Variants in PCDHGA3 observed in about 807,000 individuals in gnomAD.
PCDHGA3 encodes protocadherin gamma subfamily A, 3.
A neutral mutation model predicts 58.5 loss-of-function variants in PCDHGA3; 40 were observed. That is an observed-to-expected ratio of 0.68 (90% CI 0.53 to 0.89). The LOEUF (loss-of-function observed/expected upper bound fraction) is 0.89, where lower values mean the gene tolerates loss of function less well. Ranked by LOEUF, PCDHGA3 falls within the 40% of genes least tolerant of loss-of-function variation. PCDHGA3 has a pLI of 0.00. For synonymous variants in PCDHGA3, 530 were observed against 525.7 expected (o/e 1.01, Z -0.11); for missense variants, 1,223 against 1,195.9 (o/e 1.02, Z -0.33).
chr5:141,370,916 T>C, intron 1 of PCDHGA3: 1 of 1,614,016 alleles, frequency 6.2e-7, no homozygotes, highest in Non-Finnish European at 8.5e-7. Context: ...ACCTCAGCCC[T>C]GATCCGCACT....
At chr5:141,349,492 A>T in intron 1 of PCDHGA3, among the ~76,000 whole-genome samples, 1 of 152,222 alleles carries the variant, frequency 6.6e-6, no homozygotes. Flanking sequence ...CTTTTAACAA[A>T]ATATCAGACT....
chr5:141,490,184 TC>T lies in PCDHGA3; in HGVS notation c.2425-4622del, dbSNP rs1293752541. The T allele has an allele frequency of 1.2e-6, 2 of 1,614,196 alleles. No individual in the cohort carries two copies. The highest frequency in any genetic ancestry group is 1.7e-6 in the Non-Finnish European group (2 of 1,180,030). On this transcript the variant is annotated intron_variant, in intron 1 of 3. Coordinates refer to ENST00000253812, the MANE Select transcript of PCDHGA3 (RefSeq NM_018916.4). This position sits in a 1 kb window ranked among gnomAD's most constrained non-coding sequence, Gnocchi z 5.4. The stretch of plus-strand genomic sequence containing the variant: ...CCCATAGACTTTGAGGAGTCACGTT[TC>T]TATGAAATTCATGCAAGAGCCCGTG...
At position 141,343,893 on chromosome 5, in the gene PCDHGA3, G is replaced by A. The variant is rs1039244805; in HGVS notation, c.-141G>A. On this transcript the variant is annotated 5_prime_UTR_variant, in exon 1 of 4. Transcript: ENST00000253812. ...CAGACTCAGAAGATCCGGGGCGGCT[G>A]CCAACCTCACCTCTTAGTCAACCAG... 4 of 734,512 alleles carry A rather than the reference G, an allele frequency of 5.4e-6. No homozygotes were observed. The highest frequency in any genetic ancestry group is 8.6e-6 in the Non-Finnish European group (4 of 465,820). The allele number at this position is 734,512 out of a possible 1,614,324, so 45.5% of individuals were successfully genotyped here. A position where few individuals can be genotyped will look rare whatever the true frequency, so the allele number is the denominator to read the frequency against.
rs769128084 is a variant in PCDHGA3 at position 141,344,294 on chromosome 5, G to A, written c.261G>A (p.Ala87=). 2 of 1,614,088 alleles carry A rather than the reference G, an allele frequency of 1.2e-6. No individual in the cohort carries two copies. Among genetic ancestry groups the A allele is most frequent in the South Asian group, 1.1e-5 (1 of 91,090 alleles). ...LNPQSGSLVT[A]ERIDREELCA... is the part of the protein sequence containing the mutation. ...CGCAAAGCGGCAGCTTGGTCACCGC[G>A]GAGAGGATAGACCGGGAGGAGCTCT... Residue 87 remains alanine, a synonymous_variant, in exon 1 of 4, where the codon GCG becomes GCA. Coordinates refer to ENST00000253812, the MANE Select transcript of PCDHGA3 (RefSeq NM_018916.4).
chr5:141,463,382 T>C (rs2099057893), intron 1 of PCDHGA3, among the ~76,000 whole-genome samples: 1 of 151,594 alleles, frequency 6.6e-6, no homozygotes, highest in Admixed American at 6.6e-5. Context: ...AGTCTGAAAG[T>C]TGTCTCCAGG....
intron 1 of PCDHGA3, chr5:141,372,151 A>G: frequency 6.2e-7 from 1 of 1,613,654 alleles, no homozygotes; most frequent in South Asian, 1.1e-5. Flanking sequence ...GAGCCTGGCT[A>G]CCTGGTGACC....
At chr5:141,410,849 C>CTTGTTTTTTTTTTTTTTT (rs2095431880) in intron 1 of PCDHGA3, 1 of 129,786 alleles carries the variant, frequency 7.7e-6, no homozygotes, top group African/African-American at 6.0e-5. Context: ...TTGTCTTTGT[C>CTTGTTTTTTTTTTTTTTT]TTTTTTTTTT....
intron 1 of PCDHGA3, chr5:141,430,740 A>C (rs1485485180): frequency 5.3e-6 from 8 of 1,497,664 alleles, no homozygotes; most frequent in Non-Finnish European, 7.1e-6. Context: ...AATTGAAAAT[A>C]ATTCTGGAGG....
intron 1 of PCDHGA3, chr5:141,371,114 A>G: frequency 6.2e-7 from 1 of 1,613,878 alleles, no homozygotes; most frequent in Non-Finnish European, 8.5e-7. Flanking sequence ...ATAACCCCCC[A>G]GTATTTACTC....
At chr5:141,455,506 G>T (rs1307993951) in intron 1 of PCDHGA3, among the ~76,000 whole-genome samples, 1 of 152,152 alleles carries the variant, frequency 6.6e-6, no homozygotes, top group African/African-American at 2.4e-5. Flanking sequence ...ATTTGCATAG[G>T]GCTCAGGGGA....
At position 141,491,456 on chromosome 5, in the gene PCDHGA3, C is replaced by G; in HGVS notation, c.2425-3351C>G. On this transcript the variant is annotated intron_variant, in intron 1 of 3. Transcript: ENST00000253812. The surrounding 1 kb of genome is among the most constrained non-coding windows in gnomAD (Gnocchi z 6.9). Reference sequence around the variant, plus strand: ...TGCAGGCGCCAGGACTCACCCTCCCCGGACTTCTATAAGCAGTCCAGCCCC... The same window carrying G: ...TGCAGGCGCCAGGACTCACCCTCCCGGGACTTCTATAAGCAGTCCAGCCCC... 1 of 1,614,104 alleles carries G rather than the reference C, an allele frequency of 6.2e-7. No homozygotes were observed. The highest frequency in any genetic ancestry group is 8.5e-7 in the Non-Finnish European group (1 of 1,180,010).
intron 1 of PCDHGA3, among the ~76,000 whole-genome samples, chr5:141,359,855 T>TA (rs1343900120): frequency 6.6e-6 from 1 of 151,960 alleles, no homozygotes; most frequent in African/African-American, 2.4e-5. Flanking sequence ...CTTTATAAAT[T>TA]AAAAAAGAAA....
At chr5:141,422,997 C>T (rs114907564) in intron 1 of PCDHGA3, 28,679 of 1,614,218 alleles carry the variant, frequency 0.018, 311 homozygotes, top group Non-Finnish European at 0.021. Context: ...ACCTGGTGAC[C>T]AAGGTGGTTG....
chr5:141,356,298 T>G, intron 1 of PCDHGA3: 1 of 1,554,986 alleles, frequency 6.4e-7, no homozygotes, highest in Non-Finnish European at 8.7e-7. Context: ...GTACAGTAAT[T>G]GCACTTTTCA....
intron 1 of PCDHGA3, among the ~76,000 whole-genome samples, chr5:141,466,868 CA>C (rs1343260699): frequency 1.3e-5 from 2 of 152,100 alleles, no homozygotes; most frequent in African/African-American, 2.4e-5. Flanking sequence ...GAAATCCACA[CA>C]TTTTTTTCAT....
In PCDHGA3 at chr5:141,418,416, C is replaced by G. The variant is rs377542164; in HGVS notation, c.2424+71959C>G. The G allele has an allele frequency of 2.9e-5, 46 of 1,613,866 alleles. No homozygotes were observed. Among genetic ancestry groups the G allele is most frequent in the Non-Finnish European group, 3.4e-5 (40 of 1,179,880 alleles). ...TTCTCATTGGTGGAGAAAGACAATC[C>G]TGATGGTGGCAAATATCCAGAATTA... On this transcript the variant is annotated intron_variant, in intron 1 of 3. Transcript: ENST00000253812.
intron 1 of PCDHGA3, chr5:141,371,188 T>A (rs1206989931): frequency 6.2e-7 from 1 of 1,614,030 alleles, no homozygotes; most frequent in South Asian, 1.1e-5. Flanking sequence ...TTAAAAGTGA[T>A]GGCCATTGAC....
chr5:141,458,888 T>C (rs756640295), intron 1 of PCDHGA3, among the ~76,000 whole-genome samples: 3 of 152,118 alleles, frequency 2.0e-5, no homozygotes, highest in Non-Finnish European at 2.9e-5. Flanking sequence ...ATGCACACCA[T>C]GCGCAGCTAA....
intron 1 of PCDHGA3, chr5:141,418,573 C>T (rs749104686): frequency 6.2e-7 from 1 of 1,613,944 alleles, no homozygotes; most frequent in Non-Finnish European, 8.5e-7. Flanking sequence ...CCAATGACAA[C>T]CCCCCAGTGT....
Sources: allele counts gnomAD v4.1 joint callset (sites outside exome capture counted in the v4.1 genomes callset), GRCh38; gene constraint gnomAD v4.1.1; non-coding constraint Gnocchi (gnomAD v3.1); transcripts MANE v1.5; gene names NCBI Gene and HGNC (gene_info 2026-07-23, HGNC 2026-07-21).